TNFSF4: variants seen among roughly 807,000 people sequenced by gnomAD.
TNFSF4 encodes tumor necrosis factor ligand superfamily member 4.
A neutral mutation model predicts 7.3 loss-of-function variants in TNFSF4; 4 were observed. That is an observed-to-expected ratio of 0.55 (90% CI 0.27 to 1.25). The LOEUF is 1.25. TNFSF4 is among the 50% of genes most tolerant of loss of function. The pLI is 0.12. For missense variants in TNFSF4, 181 were observed against 208.8 expected (o/e 0.87, Z 0.82); for synonymous variants, 76 against 83.7 (o/e 0.91, Z 0.50).
At chr1:173,262,375 T>C in the TNFSF4 span, among the ~76,000 whole-genome samples, 1 of 152,132 alleles carries the variant, frequency 6.6e-6, no homozygotes, top group Admixed American at 6.5e-5. Context: ...GCCAATATCA[T>C]ACTGAATGGA....
chr1:173,348,519 C>T, the TNFSF4 span, among the ~76,000 whole-genome samples: 9 of 33,592 alleles, frequency 2.7e-4, no homozygotes, highest in Non-Finnish European at 7.0e-4. Flanking sequence ...AAAACAAAAG[C>T]ACATTAAACC....
chr1:173,323,764 G>T, the TNFSF4 span, among the ~76,000 whole-genome samples: 2 of 152,032 alleles, frequency 1.3e-5, no homozygotes, highest in Non-Finnish European at 2.9e-5. Flanking sequence ...GGGTACCAGC[G>T]ATGGGAGACA....
chr1:173,351,475 T>C, the TNFSF4 span, among the ~76,000 whole-genome samples: 1 of 152,200 alleles, frequency 6.6e-6, no homozygotes, highest in Non-Finnish European at 1.5e-5. Context: ...CACTGAAATG[T>C]CTTTTGCAGT....
At chr1:173,275,252 C>A in the TNFSF4 span, among the ~76,000 whole-genome samples, 1 of 152,144 alleles carries the variant, frequency 6.6e-6, no homozygotes, top group Non-Finnish European at 1.5e-5. Context: ...TGTCCCATCC[C>A]AGATGAGGAA....
chr1:173,424,786 G>A, the TNFSF4 span, among the ~76,000 whole-genome samples: 3 of 152,180 alleles, frequency 2.0e-5, no homozygotes. Context: ...GAAAGAATAT[G>A]AAACTTTGAA....
At chr1:173,254,913 T>C in the TNFSF4 span, among the ~76,000 whole-genome samples, 1 of 152,192 alleles carries the variant, frequency 6.6e-6, no homozygotes, top group Admixed American at 6.5e-5. Flanking sequence ...AAGCTAGGTT[T>C]GAAGAACAAA....
the TNFSF4 span, among the ~76,000 whole-genome samples, chr1:173,349,503 C>T: frequency 3.6e-4 from 55 of 152,258 alleles, no homozygotes; most frequent in Non-Finnish European, 7.4e-4. Flanking sequence ...TCTACAATAA[C>T]CTGTAAGGTA....
chr1:173,206,924 C>T (rs1031226386), intron 1 of TNFSF4, 100 bp downstream of exon 1: 10 of 1,369,996 alleles, frequency 7.3e-6, no homozygotes, highest in Admixed American at 2.5e-5. Context: ...AAAAACTCAA[C>T]ACTTTTGGCA....
the TNFSF4 span, among the ~76,000 whole-genome samples, chr1:173,227,628 C>G: frequency 3.3e-5 from 5 of 152,236 alleles, no homozygotes; most frequent in Non-Finnish European, 7.3e-5. Context: ...TGAGCCAAAG[C>G]AGGGCGAGGC....
the TNFSF4 span, among the ~76,000 whole-genome samples, chr1:173,426,098 T>C: frequency 6.6e-6 from 1 of 152,170 alleles, no homozygotes; most frequent in African/African-American, 2.4e-5. Flanking sequence ...ACTCAGATAA[T>C]AACCTGAAAC....
At chr1:173,444,079 A>G in the TNFSF4 span, among the ~76,000 whole-genome samples, 1 of 152,276 alleles carries the variant, frequency 6.6e-6, no homozygotes, top group South Asian at 2.1e-4. Context: ...AATTCTTTCC[A>G]TTCCCCAATT....
At chr1:173,235,656 A>T in the TNFSF4 span, among the ~76,000 whole-genome samples, 57 of 152,362 alleles carry the variant, frequency 3.7e-4, 1 homozygote, top group South Asian at 6.0e-3. Context: ...CTCAATGTGC[A>T]CAATGGCCTG....
the TNFSF4 span, among the ~76,000 whole-genome samples, chr1:173,427,454 A>C: frequency 6.6e-6 from 1 of 152,128 alleles, no homozygotes; most frequent in East Asian, 1.9e-4. Flanking sequence ...AGCTGGTACA[A>C]AACTTCAATA....
At chr1:173,413,408 T>C in the TNFSF4 span, among the ~76,000 whole-genome samples, 1 of 152,334 alleles carries the variant, frequency 6.6e-6, no homozygotes, top group East Asian at 1.9e-4. Flanking sequence ...TTTTAATTGT[T>C]TGGGGAAGTT....
In TNFSF4 at chr1:173,184,574, T is replaced by A. The variant is rs1649142620; in HGVS notation, c.*1942A>T. The A allele has an allele frequency of 6.6e-6, 1 of 152,194 alleles. No homozygotes were observed. Among genetic ancestry groups the A allele is most frequent in the African/African-American group, 2.4e-5 (1 of 41,454 alleles). The allele number at this position is 152,194 out of a possible 1,614,324, so 9.4% of individuals were successfully genotyped here. A position where few individuals can be genotyped will look rare whatever the true frequency, so the allele number is the denominator to read the frequency against. ...CATCTGTGAGAAATATAGATAAAAA[T>A]TCCAAACTTAAAAATGAACCATGCA... On this transcript the variant is annotated 3_prime_UTR_variant, in exon 3 of 3. Coordinates refer to ENST00000281834, the MANE Select transcript of TNFSF4 (RefSeq NM_003326.5).
At chr1:173,369,713 C>A in the TNFSF4 span, among the ~76,000 whole-genome samples, 5 of 152,200 alleles carry the variant, frequency 3.3e-5, no homozygotes, top group South Asian at 1.0e-3. Context: ...AACCTGGCCC[C>A]AATATTCTTC....
chr1:173,335,450 A>ACG, the TNFSF4 span, among the ~76,000 whole-genome samples: 3 of 152,314 alleles, frequency 2.0e-5, no homozygotes, highest in South Asian at 6.2e-4. Context: ...ACCTAAATGC[A>ACG]ATGGAGGTAA....
At chr1:173,407,131 G>A in the TNFSF4 span, among the ~76,000 whole-genome samples, 21 of 151,904 alleles carry the variant, frequency 1.4e-4, no homozygotes, top group African/African-American at 5.1e-4. Context: ...GGGGAGGCAG[G>A]TGGTGCGGGA....
At chr1:173,387,081 T>C in the TNFSF4 span, among the ~76,000 whole-genome samples, 286 of 152,314 alleles carry the variant, frequency 1.9e-3, 1 homozygote, top group African/African-American at 6.3e-3. Context: ...CTCTGGACTT[T>C]AGACTTTTGA....
Sources: gnomAD v4.1 joint callset for allele counts (sites outside exome capture counted in the v4.1 genomes callset) on GRCh38, gnomAD v4.1.1 for gene constraint, MANE v1.5 for transcripts, NCBI Gene and HGNC (gene_info 2026-07-23, HGNC 2026-07-21) for gene names.